Variants in TTC17 observed in about 807,000 individuals in gnomAD.
TTC17 encodes tetratricopeptide repeat domain 17, also known as tetratricopeptide repeat protein 17.
In TTC17, 58 loss-of-function variants were observed where a neutral mutation model predicts 143.8. The observed-to-expected ratio is 0.40, with a 90% CI of 0.33 to 0.50. The LOEUF is 0.50. TTC17 is among the 20% of genes least tolerant of loss of function. TTC17 has a pLI of 0.49. For missense variants in TTC17, 1,273 were observed against 1,392.5 expected, an observed-to-expected ratio of 0.91 and a Z score of 1.37; for synonymous variants, 501 against 497.8, an observed-to-expected ratio of 1.01 and a Z score of -0.09.
At chr11:43,436,243 TGAA>T (rs1292890879) in intron 16 of TTC17, 1 of 1,482,500 alleles carries the variant, frequency 6.7e-7, no homozygotes, top group African/African-American at 1.4e-5. Flanking sequence ...TGGATGCTGC[TGAA>T]GAAGAGCCCT....
chr11:43,432,678 G>A (rs78759165), intron 16 of TTC17, among the ~76,000 whole-genome samples: 12,673 of 152,116 alleles, frequency 0.083, 879 homozygotes, highest in Admixed American at 0.23. Context: ...CTACTTTCCA[G>A]GTATCTTTCC....
At chr11:43,365,246 G>A (rs1856287251) in intron 1 of TTC17, among the ~76,000 whole-genome samples, 1 of 152,076 alleles carries the variant, frequency 6.6e-6, no homozygotes, top group Non-Finnish European at 1.5e-5. Flanking sequence ...AACTACAAGT[G>A]CATACCACCA....
chr11:43,415,569 CAGAT>C (rs1946760287), intron 16 of TTC17, among the ~76,000 whole-genome samples: 1 of 152,048 alleles, frequency 6.6e-6, no homozygotes, highest in Non-Finnish European at 1.5e-5. Context: ...AATATTTAAT[CAGAT>C]GGATATTAGT....
intron 8 of TTC17, 101 bp from the exon 9 acceptor site, chr11:43,399,787 A>C (rs2134563568): frequency 8.5e-7 from 1 of 1,181,992 alleles, no homozygotes; most frequent in East Asian, 2.5e-5. Flanking sequence ...GAAAACACAC[A>C]GTAATTGTTG....
intron 21 of TTC17, among the ~76,000 whole-genome samples, chr11:43,472,023 A>G (rs1468545745): frequency 6.6e-6 from 1 of 152,188 alleles, no homozygotes; most frequent in African/African-American, 2.4e-5. Context: ...GTGTGCTTTT[A>G]AATATAAAAT....
intron 1 of TTC17, among the ~76,000 whole-genome samples, chr11:43,360,799 C>T (rs1856073266): frequency 6.6e-6 from 1 of 151,652 alleles, no homozygotes; most frequent in South Asian, 2.1e-4. Context: ...GGAAACTTGC[C>T]TCAGAGAAGC....
intron 21 of TTC17, among the ~76,000 whole-genome samples, chr11:43,457,381 C>T (rs564955501): frequency 6.6e-5 from 10 of 151,842 alleles, no homozygotes; most frequent in African/African-American, 1.7e-4. Context: ...TATCTGGAGC[C>T]GCTGTGATTC....
chr11:43,447,325 G>A (rs1241834048), intron 18 of TTC17, among the ~76,000 whole-genome samples: 1 of 152,214 alleles, frequency 6.6e-6, no homozygotes, highest in East Asian at 1.9e-4. Flanking sequence ...TCTTCAAATA[G>A]TTGATAACCA....
chr11:43,448,198 T>A (rs1947587457), intron 19 of TTC17, 76 bp downstream of exon 19: 5 of 1,568,708 alleles, frequency 3.2e-6, no homozygotes, highest in Admixed American at 1.8e-5. Flanking sequence ...GGATCCCCTC[T>A]TAGCAGCTAG....
At chr11:43,457,997 T>C (rs1947795336) in intron 21 of TTC17, among the ~76,000 whole-genome samples, 1 of 151,942 alleles carries the variant, frequency 6.6e-6, no homozygotes, top group Admixed American at 6.6e-5. Context: ...GAAAAGCACA[T>C]CTAGGAAAAT....
intron 21 of TTC17, among the ~76,000 whole-genome samples, chr11:43,462,744 T>C (rs1015790031): frequency 6.6e-6 from 1 of 152,122 alleles, no homozygotes; most frequent in African/African-American, 2.4e-5. Flanking sequence ...ATCTAAAATA[T>C]ATAAGGTAAA....
rs113516057 is a variant in TTC17 at position 43,477,268 on chromosome 11, C to T, written c.3031-12971C>T. 4.1e-3 allele frequency among the ~76,000 whole-genome samples: 618 copies of T among 152,282 alleles called. 4 individuals carry two copies. Among genetic ancestry groups the T allele is most frequent in the African/African-American group, 0.014 (585 of 41,556 alleles). On this transcript the variant is annotated intron_variant, in intron 21 of 23. Transcript: ENST00000039989. ...GTCTCTAGGAAGTTCCAGACTTTCC[C>T]ACATTTTCCTGTCTTCTTCTGAGCC...
rs1447550593 is a variant in TTC17 at position 43,469,966 on chromosome 11, T to C, written c.3030+18701T>C. Among the ~76,000 whole-genome samples, 4 of 151,938 alleles carry C rather than the reference T, an allele frequency of 2.6e-5. No homozygotes were observed. The South Asian group carries it at 6.2e-4, about 24-fold the overall frequency. On this transcript the variant is annotated intron_variant, in intron 21 of 23. Transcript: ENST00000039989. ...TATCCCACATGGAGGCTCAGAAATA[T>C]AGGAAAGAACAAAAAGCCACAGAAA...
chr11:43,386,485 G>T (rs1358075868), intron 2 of TTC17, among the ~76,000 whole-genome samples: 1 of 152,126 alleles, frequency 6.6e-6, no homozygotes. Flanking sequence ...CCACTGCTGG[G>T]GTCCCTTGTT....
chr11:43,463,209 C>T (rs376776745), intron 21 of TTC17, among the ~76,000 whole-genome samples: 46 of 152,110 alleles, frequency 3.0e-4, no homozygotes, highest in African/African-American at 9.6e-4. Context: ...CCACCGTGCC[C>T]GGCCCAAAAT....
At chr11:43,409,794 G>A (rs916649980) in intron 15 of TTC17, among the ~76,000 whole-genome samples, 5 of 151,864 alleles carry the variant, frequency 3.3e-5, no homozygotes, top group East Asian at 1.9e-4. Context: ...CCGTTGTAAC[G>A]TAAAGTTTTA....
chr11:43,380,415 C>T (rs970567258), intron 2 of TTC17, among the ~76,000 whole-genome samples: 3 of 152,148 alleles, frequency 2.0e-5, no homozygotes. Flanking sequence ...GCCATCATGC[C>T]CAGCTAATTT....
At chr11:43,372,872 G>A (rs914144260) in intron 1 of TTC17, among the ~76,000 whole-genome samples, 8 of 152,050 alleles carry the variant, frequency 5.3e-5, no homozygotes, top group Non-Finnish European at 1.0e-4. Context: ...TTAGGAACCT[G>A]GGTAAATAAT....
chr11:43,455,533 G>A (rs1220891737), intron 21 of TTC17, among the ~76,000 whole-genome samples: 1 of 151,984 alleles, frequency 6.6e-6, no homozygotes, highest in Non-Finnish European at 1.5e-5. Context: ...CATAAAAATA[G>A]GAAGCTTAGA....
Sources: allele counts gnomAD v4.1 joint callset (sites outside exome capture counted in the v4.1 genomes callset), GRCh38; gene constraint gnomAD v4.1.1; transcripts MANE v1.5; gene names NCBI Gene and HGNC (gene_info 2026-07-23, HGNC 2026-07-21).